Variants in ABCA13 observed in about 807,000 individuals in gnomAD.
ABCA13 encodes the protein ATP-binding cassette sub-family A member 13.
ABCA13 carries 476 observed loss-of-function variants against 478.7 expected under a neutral mutation model. The ratio of observed to expected loss-of-function variants is 0.99; its 90% CI spans 0.92 to 1.07. The LOEUF is 1.07. Among genes scored for constraint, ABCA13 ranks in the 50% least tolerant of loss-of-function variants. The pLI is 0.00. For missense variants in ABCA13, 6,060 were observed against 5,910.6 expected (o/e 1.03, Z -0.83); for synonymous variants, 2,252 against 2,158.9 (o/e 1.04, Z -1.20).
At chr7:48,485,248 G>A (rs892523674) in intron 47 of ABCA13, among the ~76,000 whole-genome samples, 7 of 151,204 alleles carry the variant, frequency 4.6e-5, no homozygotes, top group Non-Finnish European at 7.4e-5. Context: ...TCTTATAGCT[G>A]CTTAGTTACT....
At chr7:48,257,658 G>A (rs114446858) in intron 15 of ABCA13, among the ~76,000 whole-genome samples, 89 of 152,248 alleles carry the variant, frequency 5.8e-4, no homozygotes, top group African/African-American at 2.0e-3. Flanking sequence ...AAGCCTACTT[G>A]ATTGTAGTGG....
At chr7:48,514,325 A>G (rs1369235376) in intron 51 of ABCA13, among the ~76,000 whole-genome samples, 1 of 152,206 alleles carries the variant, frequency 6.6e-6, no homozygotes, top group Non-Finnish European at 1.5e-5. Flanking sequence ...CTGGTTGAAT[A>G]TCGTGTTGTT....
intron 58 of ABCA13, among the ~76,000 whole-genome samples, chr7:48,613,507 G>T (rs1792235973): frequency 6.6e-6 from 1 of 151,630 alleles, no homozygotes; most frequent in Non-Finnish European, 1.5e-5. Flanking sequence ...TTTAATGCTA[G>T]TTTGCTGTGT....
chr7:48,630,676 A>G (rs1254606162), intron 59 of ABCA13, among the ~76,000 whole-genome samples: 1 of 152,192 alleles, frequency 6.6e-6, no homozygotes, highest in Non-Finnish European at 1.5e-5. Context: ...ATACCCAATA[A>G]TGGGATTACT....
chr7:48,538,099 C>CTTTTTTTTT (rs1563409461), intron 55 of ABCA13, among the ~76,000 whole-genome samples: 6 of 120,010 alleles, frequency 5.0e-5, no homozygotes, highest in African/African-American at 1.7e-4. Context: ...TTCTTTCTTT[C>CTTTTTTTTT]CTTTTTTTTT....
chr7:48,450,015 C>T (rs28408591), intron 42 of ABCA13, among the ~76,000 whole-genome samples: 45,315 of 152,028 alleles, frequency 0.3, 6,841 homozygotes, highest in East Asian at 0.38. Flanking sequence ...TTCACTGACA[C>T]GTTTTGTTTA....
intron 55 of ABCA13, among the ~76,000 whole-genome samples, chr7:48,537,069 A>G (rs1833635260): frequency 6.6e-6 from 1 of 152,004 alleles, no homozygotes. Context: ...TATTTCTATA[A>G]GTTATATTTT....
chr7:48,213,858 A>G (rs1786047680), intron 3 of ABCA13, among the ~76,000 whole-genome samples: 1 of 152,178 alleles, frequency 6.6e-6, no homozygotes, highest in Admixed American at 6.5e-5. Flanking sequence ...GCAACTCCTC[A>G]TTCATTAGTT....
rs748269341 is a variant in ABCA13, at chr7:48,389,057, A to T, written c.11491A>T (p.Arg3831Trp). The T allele has an allele frequency of 8.1e-6, 13 of 1,613,668 alleles. No homozygotes were observed. The highest frequency in any genetic ancestry group is 1.3e-5 in the African/African-American group (1 of 74,902). The change falls in exon 37 of 62, where the codon AGG becomes TGG. Residue 3831 changes from arginine (R) to tryptophan (W), a missense_variant. By Grantham distance (101) the Arg-to-Trp change is moderately radical. Transcript: ENST00000435803. ...FDNKGSSLQN[R>W]EGELEGSAPG... ...TCTCACAGGGTCATCACTGCAAAAC[A>T]GGGAAGGAGAGCTTGAAGGAAGTGC...
At chr7:48,222,949 A>G (rs1787590409) in intron 5 of ABCA13, among the ~76,000 whole-genome samples, 1 of 152,180 alleles carries the variant, frequency 6.6e-6, no homozygotes, top group Non-Finnish European at 1.5e-5. Flanking sequence ...TCTATGCAAC[A>G]TTAAATGGAG....
intron 5 of ABCA13, among the ~76,000 whole-genome samples, chr7:48,225,288 CA>C (rs1013760462): frequency 1.6e-4 from 24 of 146,644 alleles, no homozygotes; most frequent in African/African-American, 5.7e-4. Context: ...CTGTTCAGCA[CA>C]GATGGAACCA....
chr7:48,600,984 G>A (rs558067975), intron 58 of ABCA13, among the ~76,000 whole-genome samples: 71 of 151,780 alleles, frequency 4.7e-4, no homozygotes, highest in Middle Eastern at 3.4e-3. Flanking sequence ...TGATCTTATC[G>A]CACAAGTCTG....
chr7:48,454,936 G>T (rs1825480880), intron 42 of ABCA13, 101 bp from the exon 43 acceptor site: 1 of 1,399,734 alleles, frequency 7.1e-7, no homozygotes, highest in Non-Finnish European at 9.3e-7. Flanking sequence ...GCATTCCCAT[G>T]GCTGCGAGAT....
At chr7:48,605,211 G>A (rs1791345774) in intron 58 of ABCA13, among the ~76,000 whole-genome samples, 1 of 152,048 alleles carries the variant, frequency 6.6e-6, no homozygotes, top group African/African-American at 2.4e-5. Context: ...TTTAATTGGG[G>A]CACGTAGCCC....
chr7:48,591,419 G>A (rs1275827755), intron 57 of ABCA13, among the ~76,000 whole-genome samples: 1 of 151,872 alleles, frequency 6.6e-6, no homozygotes, highest in Non-Finnish European at 1.5e-5. Context: ...GAGGCCTCCA[G>A]CACCATTCTT....
At chr7:48,425,252 A>T (rs1821251055) in intron 41 of ABCA13, among the ~76,000 whole-genome samples, 1 of 152,128 alleles carries the variant, frequency 6.6e-6, no homozygotes, top group South Asian at 2.1e-4. Flanking sequence ...CCCGCCACAT[A>T]CAACTATGGC....
At chr7:48,563,793 CTTGT>C (rs906495943) in intron 55 of ABCA13, among the ~76,000 whole-genome samples, 3 of 84,872 alleles carry the variant, frequency 3.5e-5, no homozygotes, top group African/African-American at 5.3e-5. Flanking sequence ...TTGTTTACTG[CTTGT>C]GTGTGTGTGT....
chr7:48,580,915 C>A (rs1219665885), intron 56 of ABCA13, among the ~76,000 whole-genome samples: 1 of 152,072 alleles, frequency 6.6e-6, no homozygotes, highest in African/African-American at 2.4e-5. Context: ...AGACCCCCAC[C>A]TCCATCACTG....
At chr7:48,475,458 A>ATTTTTTT (rs398047655) in intron 45 of ABCA13, among the ~76,000 whole-genome samples, 10 of 100,474 alleles carry the variant, frequency 1.0e-4, no homozygotes, top group Non-Finnish European at 1.5e-4. Flanking sequence ...TGTCAATTTA[A>ATTTTTTT]TTTTTTTTTT....
Sources: gnomAD v4.1 joint callset for allele counts (sites outside exome capture counted in the v4.1 genomes callset) on GRCh38, gnomAD v4.1.1 for gene constraint, MANE v1.5 for transcripts, NCBI Gene and HGNC (gene_info 2026-07-23, HGNC 2026-07-21) for gene names.